GSE1: variants seen among roughly 807,000 people sequenced by gnomAD.
GSE1 encodes Gse1 coiled-coil protein.
Under a neutral mutation model 112.6 loss-of-function variants are expected in GSE1, and 32 were observed. That is an observed-to-expected ratio of 0.28 (90% CI 0.21 to 0.38). The LOEUF (loss-of-function observed/expected upper bound fraction) is 0.38, where lower values mean the gene tolerates loss of function less well. Among genes scored for constraint, GSE1 ranks in the 10% least tolerant of loss-of-function variants. The pLI, the probability that GSE1 is intolerant of heterozygous loss-of-function variation, is 1.00. For synonymous variants in GSE1, 1,115 were observed against 735.6 expected (o/e 1.52, Z -8.35); for missense variants, 2,348 against 1,699.2 (o/e 1.38, Z -6.71).
At chr16:85,392,924 G>A (rs2047876114) in intron 2 of GSE1, among the ~76,000 whole-genome samples, 1 of 152,222 alleles carries the variant, frequency 6.6e-6, no homozygotes, top group African/African-American at 2.4e-5. Context: ...ATGCCTCTGA[G>A]CAAGGGGTCC....
intron 1 of GSE1, among the ~76,000 whole-genome samples, chr16:85,227,947 C>T (rs984750409): frequency 1.3e-5 from 2 of 152,112 alleles, no homozygotes; most frequent in Non-Finnish European, 2.9e-5. Context: ...GCAGAGAACC[C>T]CGTGCAGGGG....
At chr16:85,523,028 CGT>C (rs1232381375) in intron 2 of GSE1, among the ~76,000 whole-genome samples, 1 of 151,236 alleles carries the variant, frequency 6.6e-6, no homozygotes, top group Non-Finnish European at 1.5e-5. Context: ...TGTGTGTATG[CGT>C]GTGTGTCTTT....
intron 1 of GSE1, among the ~76,000 whole-genome samples, chr16:85,293,100 T>C (rs989160226): frequency 1.3e-5 from 2 of 152,066 alleles, no homozygotes; most frequent in African/African-American, 2.4e-5. Context: ...CGATCCCCCA[T>C]GGTCAGGCCC....
intron 2 of GSE1, among the ~76,000 whole-genome samples, chr16:85,372,982 C>T (rs2047334669): frequency 6.6e-6 from 1 of 152,224 alleles, no homozygotes; most frequent in South Asian, 2.1e-4. Context: ...TTCATCCTGA[C>T]CTCAGTTACA....
intron 2 of GSE1, among the ~76,000 whole-genome samples, chr16:85,509,610 T>C (rs971828834): frequency 1.3e-5 from 2 of 152,176 alleles, no homozygotes; most frequent in Non-Finnish European, 2.9e-5. Flanking sequence ...TGACGTTGAA[T>C]GGAAAGGCCA....
chr16:85,206,865 C>T (rs1327085528), intron 1 of GSE1, among the ~76,000 whole-genome samples: 1 of 151,952 alleles, frequency 6.6e-6, no homozygotes, highest in Non-Finnish European at 1.5e-5. Context: ...CCCCCCCAGC[C>T]CTCCTGCCCT....
chr16:85,507,410 A>C (rs2051574820), intron 2 of GSE1, among the ~76,000 whole-genome samples: 1 of 152,202 alleles, frequency 6.6e-6, no homozygotes. Context: ...TGGGGAGGGC[A>C]GCCCAGAAGG....
Position 85,656,556 on chromosome 16 carries a change from C to T in GSE1, c.1203C>T (p.Ala401=), listed in dbSNP as rs1278330622. 1.1e-5 allele frequency: 17 copies of T among 1,548,518 alleles called. No individual in the cohort carries two copies. In the East Asian group the frequency reaches 3.9e-4, roughly 36 times the overall value. The change falls in exon 7 of 16, where the codon GCC becomes GCT. Residue 401 remains alanine, a synonymous_variant. Transcript: ENST00000253458. ...QRAREKELLA[A]KALEPSFLPV... is the part of the protein sequence containing the mutation. ...CCCGGGAGAAGGAGCTGCTGGCCGCCAAGGCCCTGGAGCCCAGCTTCCTGC... is the reference window on the plus strand; with the variant it reads ...CCCGGGAGAAGGAGCTGCTGGCCGCTAAGGCCCTGGAGCCCAGCTTCCTGC...
At chr16:85,627,799 C>T (rs2049202324) in intron 1 of GSE1, among the ~76,000 whole-genome samples, 1 of 152,230 alleles carries the variant, frequency 6.6e-6, no homozygotes, top group African/African-American at 2.4e-5. Context: ...TCCAGGAGCG[C>T]AGAAGTTAAT....
intron 1 of GSE1, among the ~76,000 whole-genome samples, chr16:85,329,487 G>A (rs1385448909): frequency 1.3e-5 from 2 of 151,964 alleles, no homozygotes; most frequent in African/African-American, 4.8e-5. Context: ...GGGCTGCAGA[G>A]CCACCTGCAG....
chr16:85,661,960 C>T (rs1027716995), intron 9 of GSE1, among the ~76,000 whole-genome samples, 195 bp downstream of exon 9: 4 of 152,186 alleles, frequency 2.6e-5, no homozygotes, highest in South Asian at 2.1e-4. Flanking sequence ...CCCTAGTCCC[C>T]GTGCCTGTCC....
chr16:85,545,924 A>G (rs1044196893), intron 2 of GSE1, among the ~76,000 whole-genome samples: 1 of 151,760 alleles, frequency 6.6e-6, no homozygotes, highest in African/African-American at 2.4e-5. Context: ...CTGGGACTAC[A>G]GGCGCCCGCC....
intron 2 of GSE1, among the ~76,000 whole-genome samples, chr16:85,484,392 T>C (rs2050771675): frequency 6.6e-6 from 1 of 152,252 alleles, no homozygotes; most frequent in South Asian, 2.1e-4. Flanking sequence ...TTTTTAAAAA[T>C]TAGTTGATAT....
At chr16:85,578,265 G>T (rs918917927) in intron 1 of GSE1, among the ~76,000 whole-genome samples, 1 of 152,230 alleles carries the variant, frequency 6.6e-6, no homozygotes, top group Admixed American at 6.5e-5. Flanking sequence ...TGGCTGGAGG[G>T]ATAAATTACC....
intron 1 of GSE1, among the ~76,000 whole-genome samples, chr16:85,276,415 G>T (rs1909368369): frequency 6.6e-6 from 1 of 152,234 alleles, no homozygotes. Flanking sequence ...CCAGGTCAGC[G>T]ATTTGTTCAC....
intron 1 of GSE1, among the ~76,000 whole-genome samples, chr16:85,198,534 T>A (rs77447251): frequency 0.018 from 2,778 of 151,728 alleles, 104 homozygotes; most frequent in East Asian, 0.13. Context: ...CCAGTGGTGA[T>A]GTGCTGGGAG....
intron 1 of GSE1, among the ~76,000 whole-genome samples, chr16:85,581,218 G>T (rs181744207): frequency 7.9e-5 from 12 of 152,358 alleles, no homozygotes; most frequent in Non-Finnish European, 1.3e-4. Context: ...GTGGGGAGGG[G>T]GCTGGTGGAG....
intron 2 of GSE1, among the ~76,000 whole-genome samples, chr16:85,420,063 G>A (rs1229562357): frequency 2.6e-5 from 4 of 152,040 alleles, no homozygotes; most frequent in Non-Finnish European, 5.9e-5. Flanking sequence ...GTCTAGAGGG[G>A]TCTGACGGGT....
chr16:85,258,440 C>T lies in GSE1; in HGVS notation c.2283+86633C>T, dbSNP rs145661365. 8.5e-5 allele frequency among the ~76,000 whole-genome samples: 13 copies of T among 152,330 alleles called. No homozygotes were observed. In the East Asian group the frequency reaches 9.6e-4, roughly 11 times the overall value. On this transcript the variant is annotated intron_variant, in intron 1 of 2. Transcript: ENST00000637419. ...GTTCTTCCACTGAACACATTCTCACCGGGTCCCCACCACGAGCTGCAGAAA... is the reference window on the plus strand; with the variant it reads ...GTTCTTCCACTGAACACATTCTCACTGGGTCCCCACCACGAGCTGCAGAAA...
Sources: allele counts gnomAD v4.1 joint callset (sites outside exome capture counted in the v4.1 genomes callset), GRCh38; gene constraint gnomAD v4.1.1; transcripts MANE v1.5; gene names NCBI Gene and HGNC (gene_info 2026-07-23, HGNC 2026-07-21).